MARF1: variants seen among roughly 807,000 people sequenced by gnomAD.
The protein encoded by MARF1 is limkain-b1.
A neutral mutation model predicts 168.2 loss-of-function variants in MARF1; 24 were observed. The ratio of observed to expected loss-of-function variants is 0.14; its 90% CI spans 0.10 to 0.20. The LOEUF (loss-of-function observed/expected upper bound fraction) is 0.20. MARF1 is among the 10% of genes least tolerant of loss of function. MARF1 has a pLI of 1.00. For synonymous variants in MARF1, 868 were observed against 822.4 expected, an observed-to-expected ratio of 1.06 and a Z score of -0.95; for missense variants, 1,744 against 2,143.6, an observed-to-expected ratio of 0.81 and a Z score of 3.68.
At chr16:15,631,316 T>C in intron 6 of MARF1, 65 bp downstream of exon 6, 2 of 1,095,138 alleles carry the variant, frequency 1.8e-6, no homozygotes, top group South Asian at 1.3e-5. Context: ...CACATGTTGC[T>C]GGCTTCTATG....
intron 1 of MARF1, among the ~76,000 whole-genome samples, chr16:15,642,180 G>A (rs552663572): frequency 5.9e-5 from 9 of 152,220 alleles, no homozygotes; most frequent in African/African-American, 1.9e-4. Flanking sequence ...ACCCAATCTA[G>A]TCTTTGACCC....
chr16:15,631,924 A>G (rs946825583), intron 5 of MARF1, among the ~76,000 whole-genome samples: 1 of 152,204 alleles, frequency 6.6e-6, no homozygotes, highest in African/African-American at 2.4e-5. Context: ...AAAGGACATT[A>G]TCTCATTCTT....
At chr16:15,613,684 T>TAAATAAATA (rs1555524005) in intron 16 of MARF1, among the ~76,000 whole-genome samples, 16 of 146,218 alleles carry the variant, frequency 1.1e-4, no homozygotes, top group Non-Finnish European at 1.6e-4. Context: ...AATAAATAAA[T>TAAATAAATA]AAATAAAATA....
intron 21 of MARF1, among the ~76,000 whole-genome samples, chr16:15,604,637 T>C (rs1372201566): frequency 1.3e-5 from 2 of 152,166 alleles, no homozygotes; most frequent in African/African-American, 4.8e-5. Flanking sequence ...CTCAACAAGA[T>C]AATAATGGGG....
At position 15,641,016 on chromosome 16, in the gene MARF1, G is replaced by A. The variant is rs1055647402; in HGVS notation, c.-58-1725C>T. ...AGACTGAGGTAGGAGGATCTCTTGA[G>A]CCCAAGAATTTGAGGCTACAGTGAA... On this transcript the variant is annotated intron_variant, in intron 1 of 26. Transcript: ENST00000396368. Among the ~76,000 whole-genome samples the A allele has an allele frequency of 3.3e-5, 5 of 152,204 alleles. No individual in the cohort carries two copies. The East Asian group carries it at 7.7e-4, about 23-fold the overall frequency.
chr16:15,612,279 T>C (rs191655517), intron 17 of MARF1, among the ~76,000 whole-genome samples: 147 of 152,282 alleles, frequency 9.7e-4, no homozygotes, highest in African/African-American at 3.4e-3. Context: ...TGAACAGTTC[T>C]GGAGAAAGCT....
intron 25 of MARF1, 130 bp from the exon 26 acceptor site, chr16:15,599,154 T>TAAAA (rs565989147): frequency 1.1e-3 from 323 of 298,836 alleles, no homozygotes; most frequent in South Asian, 2.4e-3. Flanking sequence ...TTTAAGGTAT[T>TAAAA]AAAAAAAAAA....
rs556691347 is a variant in MARF1, at chr16:15,612,113, T to C, written c.3475-379A>G. Among the ~76,000 whole-genome samples the C allele has an allele frequency of 5.3e-5, 8 of 152,316 alleles. No homozygotes were observed. In the East Asian group the frequency reaches 1.2e-3, roughly 22 times the overall value. On this transcript the variant is annotated intron_variant, in intron 17 of 26. Transcript: ENST00000396368. ...TGGGAAGCTGTTATAACACTGTGAG[T>C]TAACTGGTAAAAGTCTTCATAGGAT...
intron 7 of MARF1, among the ~76,000 whole-genome samples, chr16:15,626,022 C>A (rs1034764581): frequency 6.6e-6 from 1 of 152,066 alleles, no homozygotes; most frequent in Non-Finnish European, 1.5e-5. Context: ...TGCCTACAGT[C>A]CCAGCTACTC....
chr16:15,614,027 C>T (rs569697528), intron 16 of MARF1, among the ~76,000 whole-genome samples: 3 of 152,080 alleles, frequency 2.0e-5, no homozygotes, highest in African/African-American at 4.8e-5. Flanking sequence ...AGGACATGCC[C>T]GTAACTCAGA....
In MARF1 at chr16:15,611,009, T is replaced by C. The variant is rs377741859; in HGVS notation, c.3717A>G (p.Gln1239=). Reference sequence around the variant, plus strand: ...GGATACAAATCACCATTTCATTATCTTGTTGGGACAAGCAGATGGTTGTGT... The same window carrying C: ...GGATACAAATCACCATTTCATTATCCTGTTGGGACAAGCAGATGGTTGTGT... ...IPDTTICLSQ[Q]DNEMVICIPK... is the part of the protein sequence containing the mutation. The change falls in exon 19 of 27, where the codon CAA becomes CAG. Residue 1239 remains glutamine (Q), a synonymous_variant. Transcript: ENST00000396368. The C allele has an allele frequency of 5.6e-5, 91 of 1,613,856 alleles. No individual in the cohort carries two copies. The highest frequency in any genetic ancestry group is 7.4e-5 in the Non-Finnish European group (87 of 1,179,918).
chr16:15,616,097 T>G (rs2034023666), intron 15 of MARF1, 92 bp from the exon 16 acceptor site: 1 of 1,077,740 alleles, frequency 9.3e-7, no homozygotes, highest in Admixed American at 3.0e-5. Context: ...TGGTTTAATG[T>G]ATGTGTTAAT....
At chr16:15,615,200 G>A (rs1441786682) in intron 16 of MARF1, among the ~76,000 whole-genome samples, 1 of 152,106 alleles carries the variant, frequency 6.6e-6, no homozygotes. Context: ...AGCTTATGTT[G>A]GTACTTTCAA....
intron 26 of MARF1, among the ~76,000 whole-genome samples, chr16:15,597,566 G>C (rs552034711): frequency 6.6e-6 from 1 of 152,322 alleles, no homozygotes; most frequent in South Asian, 2.1e-4. Context: ...CTGCTTGAAA[G>C]AGATGCATCA....
At chr16:15,638,451 C>T (rs1436212568) in intron 2 of MARF1, among the ~76,000 whole-genome samples, 1 of 151,864 alleles carries the variant, frequency 6.6e-6, no homozygotes, top group African/African-American at 2.4e-5. Context: ...CCAGGCATGG[C>T]AGCACAGGCC....
At position 15,596,765 on chromosome 16, in the gene MARF1, C is replaced by T. The variant is rs375261471; in HGVS notation, c.5157G>A (p.Pro1719=). The change falls in exon 27 of 27, where the codon CCG becomes CCA. Residue 1719 remains proline (P), a synonymous_variant. Transcript: ENST00000396368. Reference sequence around the variant, plus strand: ...CTCTATTTTTGGGTTGCTTTTTGGCCGGGCTTTCCACGGGGTCCTTGCTGA... The same window carrying T: ...CTCTATTTTTGGGTTGCTTTTTGGCTGGGCTTTCCACGGGGTCCTTGCTGA... ...SLLSKDPVES[P]AKKQPKNRVK... is the part of the protein sequence containing the mutation. 32 of 1,611,996 alleles carry T rather than the reference C, an allele frequency of 2.0e-5. No individual in the cohort carries two copies. Among genetic ancestry groups the T allele is most frequent in the Middle Eastern group, 1.6e-4 (1 of 6,078 alleles).
intron 6 of MARF1, among the ~76,000 whole-genome samples, chr16:15,630,734 A>G (rs1012364681): frequency 9.9e-5 from 15 of 152,184 alleles, no homozygotes; most frequent in Admixed American, 6.5e-4. Flanking sequence ...AAAGGAGCAA[A>G]TATGTTGGGG....
chr16:15,600,982 T>C (rs919547609), intron 23 of MARF1: 35 of 667,696 alleles, frequency 5.2e-5, no homozygotes, highest in African/African-American at 1.1e-4. Context: ...AACACCAGCT[T>C]TGGCATATAA....
At position 15,631,340 on chromosome 16, in the gene MARF1, C is replaced by T. The variant is rs759721634; in HGVS notation, c.1351+41G>A. 3.0e-6 allele frequency: 4 copies of T among 1,355,270 alleles called. No individual in the cohort carries two copies. The East Asian group carries it at 7.0e-5, about 24-fold the overall frequency. 84.0% of individuals were successfully genotyped at this position (1,355,270 alleles called of 1,614,324 possible). A position where few individuals can be genotyped will look rare whatever the true frequency, so the allele number is the denominator to read the frequency against. On this transcript the variant is annotated intron_variant, in intron 6 of 26. Transcript: ENST00000396368. ...CTGGCTTCTATGATAATTTCCCACA[C>T]AGTGAGTTTAGCTGAAATTAGCAGA...
Sources: allele counts gnomAD v4.1 joint callset (sites outside exome capture counted in the v4.1 genomes callset), GRCh38; gene constraint gnomAD v4.1.1; transcripts MANE v1.5; gene names NCBI Gene and HGNC (gene_info 2026-07-23, HGNC 2026-07-21).